Variants in RTL4 observed in about 807,000 individuals in gnomAD.
RTL4 encodes the protein retrotransposon Gag-like protein 4.
In RTL4, 4 loss-of-function variants were observed where a neutral mutation model predicts 5.3. That is an observed-to-expected ratio of 0.75 (90% CI 0.37 to 1.72). RTL4 has a LOEUF of 1.72. RTL4 is among the 40% of genes most tolerant of loss of function. The pLI, the probability that RTL4 is intolerant of heterozygous loss-of-function variation, is 0.04. For synonymous variants in RTL4, 98 were observed against 87.3 expected, an observed-to-expected ratio of 1.12 and a Z score of -0.68; for missense variants, 260 against 227.1, an observed-to-expected ratio of 1.14 and a Z score of -0.93.
the RTL4 span, among the ~76,000 whole-genome samples, chrX:112,111,400 T>C: frequency 8.9e-6 from 1 of 112,294 alleles, no homozygotes; most frequent in Admixed American, 9.4e-5. Context: ...TAGCCACTTA[T>C]GCTGCTGTTC....
At chrX:112,326,242 C>T in the RTL4 span, among the ~76,000 whole-genome samples, 2,109 of 111,453 alleles carry the variant, frequency 0.019, 19 homozygotes, top group Middle Eastern at 0.079. Flanking sequence ...TCTGAGGTGC[C>T]GGGTTCATCT....
chrX:112,423,957 A>G, the RTL4 span, among the ~76,000 whole-genome samples: 1 of 110,655 alleles, frequency 9.0e-6, no homozygotes, highest in African/African-American at 3.3e-5. Flanking sequence ...GTACTTTCCC[A>G]TGTTTTCTCT....
chrX:112,173,635 A>G, the RTL4 span, among the ~76,000 whole-genome samples: 1 of 110,533 alleles, frequency 9.0e-6, no homozygotes, highest in Non-Finnish European at 1.9e-5. Flanking sequence ...GAGGTTAAGC[A>G]TGTCGGGGAG....
At chrX:112,133,472 C>T in the RTL4 span, among the ~76,000 whole-genome samples, 3 of 111,833 alleles carry the variant, frequency 2.7e-5, no homozygotes, top group Non-Finnish European at 3.8e-5. Flanking sequence ...GGCGATGAAG[C>T]GATGGCAAGG....
the RTL4 span, chrX:112,382,118 G>C: frequency 4.1e-6 from 5 of 1,209,603 alleles, no homozygotes; most frequent in Non-Finnish European, 5.6e-6. Context: ...CTTAATCCGG[G>C]CGAGGCAGAG....
chrX:112,295,544 G>A, the RTL4 span, among the ~76,000 whole-genome samples: 1 of 112,549 alleles, frequency 8.9e-6, no homozygotes, highest in Admixed American at 9.4e-5. Flanking sequence ...GAGCCATGGG[G>A]ACAGCCCACA....
the RTL4 span, among the ~76,000 whole-genome samples, chrX:112,308,846 G>C: frequency 9.0e-6 from 1 of 111,243 alleles, no homozygotes; most frequent in African/African-American, 3.3e-5. Flanking sequence ...ACATAGTGTG[G>C]AAACACAGAG....
the RTL4 span, among the ~76,000 whole-genome samples, chrX:112,142,503 A>G: frequency 3.6e-5 from 4 of 112,296 alleles, no homozygotes; most frequent in African/African-American, 6.5e-5. Context: ...TTCTTCCCCA[A>G]TAATTTTTTT....
the RTL4 span, chrX:112,381,270 C>A: frequency 5.0e-6 from 6 of 1,205,782 alleles, no homozygotes; most frequent in Non-Finnish European, 6.7e-6. Context: ...CCAGGTGCGA[C>A]TAGGTTTGCT....
the RTL4 span, among the ~76,000 whole-genome samples, chrX:112,363,351 C>T: frequency 9.1e-4 from 101 of 111,145 alleles, no homozygotes; most frequent in African/African-American, 2.9e-3. Flanking sequence ...TCTGCATTGA[C>T]ATTAAGGCCC....
the RTL4 span, among the ~76,000 whole-genome samples, chrX:112,149,912 C>T: frequency 9.0e-6 from 1 of 111,532 alleles, no homozygotes; most frequent in Non-Finnish European, 1.9e-5. Context: ...GTAAGGTGGA[C>T]AGAAAAGCCC....
At chrX:112,225,788 A>G in the RTL4 span, among the ~76,000 whole-genome samples, 10 of 112,045 alleles carry the variant, frequency 8.9e-5, no homozygotes, top group East Asian at 2.8e-4. Flanking sequence ...CACTGCCCCA[A>G]AAAGCTTTGT....
At chrX:112,193,701 C>T in the RTL4 span, among the ~76,000 whole-genome samples, 232 of 111,050 alleles carry the variant, frequency 2.1e-3, no homozygotes, top group Middle Eastern at 4.6e-3. Flanking sequence ...TACTTGATGG[C>T]ATCCCACTTC....
At chrX:112,244,347 C>T in the RTL4 span, among the ~76,000 whole-genome samples, 1 of 111,431 alleles carries the variant, frequency 9.0e-6, no homozygotes, top group South Asian at 3.8e-4. Context: ...CTGTAGGTCT[C>T]CAAGGACTTG....
At chrX:112,178,688 T>C in the RTL4 span, among the ~76,000 whole-genome samples, 1 of 111,968 alleles carries the variant, frequency 8.9e-6, no homozygotes, top group Non-Finnish European at 1.9e-5. Flanking sequence ...TCATCTGTGA[T>C]AGCACCTGCG....
chrX:112,224,085 A>C, the RTL4 span, among the ~76,000 whole-genome samples: 1 of 110,839 alleles, frequency 9.0e-6, no homozygotes, highest in African/African-American at 3.3e-5. Context: ...CTTCAAATTT[A>C]TGGAGCCCAT....
At chrX:112,364,135 G>A in the RTL4 span, among the ~76,000 whole-genome samples, 1 of 111,831 alleles carries the variant, frequency 8.9e-6, no homozygotes, top group South Asian at 3.7e-4. Context: ...TTATCTAATA[G>A]CTGCAGAGTT....
At chrX:112,299,824 G>C in the RTL4 span, among the ~76,000 whole-genome samples, 4 of 111,473 alleles carry the variant, frequency 3.6e-5, no homozygotes, top group Non-Finnish European at 7.5e-5. Flanking sequence ...CTAACAGATT[G>C]AAAAGTTACT....
At chrX:112,356,702 TATA>T in the RTL4 span, among the ~76,000 whole-genome samples, 1 of 111,151 alleles carries the variant, frequency 9.0e-6, no homozygotes, top group South Asian at 3.7e-4. Flanking sequence ...TCAGCTTTCC[TATA>T]ACTTTATCTT....
Sources: gnomAD v4.1 joint callset for allele counts (sites outside exome capture counted in the v4.1 genomes callset) on GRCh38, gnomAD v4.1.1 for gene constraint, MANE v1.5 for transcripts, NCBI Gene and HGNC (gene_info 2026-07-23, HGNC 2026-07-21) for gene names.